CYP19A1: variants seen among roughly 807,000 people sequenced by gnomAD.
The protein encoded by CYP19A1 is cytochrome P450 family 19 subfamily A member 1.
Under a neutral mutation model 44.4 loss-of-function variants are expected in CYP19A1, and 32 were observed. The ratio of observed to expected loss-of-function variants is 0.72; its 90% CI spans 0.54 to 0.97. The LOEUF is 0.97. Among genes scored for constraint, CYP19A1 ranks in the 50% least tolerant of loss-of-function variants. CYP19A1 has a pLI of 0.00. For missense variants in CYP19A1, 598 were observed against 637.8 expected, an observed-to-expected ratio of 0.94 and a Z score of 0.67; for synonymous variants, 212 against 215.6, an observed-to-expected ratio of 0.98 and a Z score of 0.14.
At chr15:51,299,364 C>G (rs1281292898) in intron 1 of CYP19A1, among the ~76,000 whole-genome samples, 2 of 152,256 alleles carry the variant, frequency 1.3e-5, no homozygotes, top group African/African-American at 4.8e-5. Flanking sequence ...GTGAAAGGCT[C>G]TGTCACCCAT....
chr15:51,251,143 C>A (rs1051724573), intron 1 of CYP19A1, among the ~76,000 whole-genome samples: 6 of 152,166 alleles, frequency 3.9e-5, no homozygotes, highest in Non-Finnish European at 7.4e-5. Context: ...GAAAGGGAAG[C>A]CTCCGGAGCC....
chr15:51,294,794 C>G (rs1387738708), intron 1 of CYP19A1, among the ~76,000 whole-genome samples: 1 of 152,008 alleles, frequency 6.6e-6, no homozygotes, highest in Non-Finnish European at 1.5e-5. Flanking sequence ...AGCCCCTCTG[C>G]CCGGCCACCA....
At chr15:51,302,429 C>G (rs1482936673) in intron 1 of CYP19A1, among the ~76,000 whole-genome samples, 1 of 152,240 alleles carries the variant, frequency 6.6e-6, no homozygotes, top group Non-Finnish European at 1.5e-5. Context: ...TAACTGCCCT[C>G]AGAGGGCCCT....
intron 1 of CYP19A1, among the ~76,000 whole-genome samples, chr15:51,307,527 G>C (rs2036237073): frequency 6.6e-6 from 1 of 152,202 alleles, no homozygotes; most frequent in Non-Finnish European, 1.5e-5. Flanking sequence ...GTCTGGCACA[G>C]AGCATGGTAG....
intron 1 of CYP19A1, among the ~76,000 whole-genome samples, chr15:51,280,802 G>T (rs1359452381): frequency 6.6e-6 from 1 of 152,172 alleles, no homozygotes; most frequent in Non-Finnish European, 1.5e-5. Flanking sequence ...GTGTCATTTT[G>T]GGTCTTGCAG....
intron 9 of CYP19A1, chr15:51,211,530 G>A (rs12591172): frequency 0.46 from 154,661 of 338,404 alleles, 36,714 homozygotes; most frequent in Non-Finnish European, 0.51. Flanking sequence ...CAGCTGTCTT[G>A]TCCACATTTG....
intron 2 of CYP19A1, among the ~76,000 whole-genome samples, chr15:51,237,634 G>C (rs1043540220): frequency 3.0e-4 from 45 of 152,212 alleles, no homozygotes; most frequent in African/African-American, 1.0e-3. Context: ...AAAGCTAAGA[G>C]ATGGGGAGTC....
intron 1 of CYP19A1, among the ~76,000 whole-genome samples, chr15:51,329,045 G>A (rs2036658219): frequency 6.6e-6 from 1 of 152,226 alleles, no homozygotes; most frequent in East Asian, 1.9e-4. Context: ...CAGACTTTGG[G>A]ATTTGTCAGC....
chr15:51,323,196 C>T (rs2036554359), intron 1 of CYP19A1, among the ~76,000 whole-genome samples: 1 of 152,198 alleles, frequency 6.6e-6, no homozygotes, highest in Non-Finnish European at 1.5e-5. Context: ...AGTCCAGGCC[C>T]TTGGGTGGCC....
intron 1 of CYP19A1, among the ~76,000 whole-genome samples, chr15:51,276,401 CA>C: frequency 6.6e-6 from 1 of 152,320 alleles, no homozygotes; most frequent in East Asian, 1.9e-4. Context: ...CCCAAAGAAC[CA>C]CTGCAAAAAC....
intron 1 of CYP19A1, among the ~76,000 whole-genome samples, chr15:51,326,796 A>G (rs73409517): frequency 0.073 from 11,186 of 152,236 alleles, 662 homozygotes; most frequent in African/African-American, 0.15. Flanking sequence ...GGCCAGGGCA[A>G]TGAGAGACCT....
At position 51,294,649 on chromosome 15, in the gene CYP19A1, CCCGG is replaced by C. The variant is rs2035943113; in HGVS notation, c.-39+43842_-39+43845del. Among the ~76,000 whole-genome samples, 67 of 131,458 alleles carry C rather than the reference CCCGG, an allele frequency of 5.1e-4. 2 individuals carry two copies. The highest frequency in any genetic ancestry group is 1.1e-3 in the African/African-American group (34 of 30,560). 86.2% of individuals were successfully genotyped at this position (131,458 alleles called of 152,430 possible). ...GGGAGGTGGGGGGGTCAGCCCCCCG[CCCGG>C]CCAGCCGCCCCGTCCGGGAGGGAGG... On this transcript the variant is annotated intron_variant, in intron 1 of 9. Transcript: ENST00000396402.
At chr15:51,273,221 T>A (rs1384885630) in intron 1 of CYP19A1, among the ~76,000 whole-genome samples, 1 of 152,100 alleles carries the variant, frequency 6.6e-6, no homozygotes, top group Non-Finnish European at 1.5e-5. Context: ...AATGCTGGGA[T>A]TACAAGCATG....
At chr15:51,275,919 C>A (rs368133320) in intron 1 of CYP19A1, among the ~76,000 whole-genome samples, 1 of 152,152 alleles carries the variant, frequency 6.6e-6, no homozygotes, top group Admixed American at 6.5e-5. Context: ...GCTGTGTCCC[C>A]CCGGCCAGCC....
chr15:51,297,071 T>G (rs1393380263), intron 1 of CYP19A1, among the ~76,000 whole-genome samples: 3 of 152,238 alleles, frequency 2.0e-5, no homozygotes, highest in Non-Finnish European at 4.4e-5. Context: ...TGACGACTTT[T>G]GTGTCCATCT....
chr15:51,287,647 T>C lies in CYP19A1; in HGVS notation c.-38-44697A>G, dbSNP rs114131730. Among the ~76,000 whole-genome samples, 1,387 of 152,252 alleles carry C rather than the reference T, an allele frequency of 9.1e-3. 27 individuals carry two copies. Among genetic ancestry groups the C allele is most frequent in the African/African-American group, 0.032 (1,345 of 41,536 alleles). Reference sequence around the variant, plus strand: ...GCCAGGTCTCCATCCTACCCTCAAATGCCCTCACCTTCCCTCATGCCCTCC... The same window carrying C: ...GCCAGGTCTCCATCCTACCCTCAAACGCCCTCACCTTCCCTCATGCCCTCC... On this transcript the variant is annotated intron_variant, in intron 1 of 9. Transcript: ENST00000396402.
chr15:51,279,744 AG>A (rs1434310269), intron 1 of CYP19A1: 3 of 152,220 alleles, frequency 2.0e-5, no homozygotes, highest in Non-Finnish European at 2.9e-5. Context: ...AAGGTGGAAA[AG>A]GCAAGAGAAA....
At chr15:51,319,807 G>C (rs1049382653) in intron 1 of CYP19A1, among the ~76,000 whole-genome samples, 1 of 152,158 alleles carries the variant, frequency 6.6e-6, no homozygotes, top group Admixed American at 6.5e-5. Flanking sequence ...CGTCAGGCTG[G>C]GCTCCAGATC....
chr15:51,311,606 A>C (rs1438516614), intron 1 of CYP19A1, among the ~76,000 whole-genome samples: 1 of 152,332 alleles, frequency 6.6e-6, no homozygotes, highest in African/African-American at 2.4e-5. Context: ...ACTGACATAA[A>C]TTTAAGATTC....
Sources: allele counts gnomAD v4.1 joint callset (sites outside exome capture counted in the v4.1 genomes callset), GRCh38; gene constraint gnomAD v4.1.1; transcripts MANE v1.5; gene names NCBI Gene and HGNC (gene_info 2026-07-23, HGNC 2026-07-21).